Variants in TTC28 observed in about 807,000 individuals in gnomAD.
TTC28 encodes tetratricopeptide repeat domain 28.
A neutral mutation model predicts 198.0 loss-of-function variants in TTC28; 61 were observed. The ratio of observed to expected loss-of-function variants is 0.31; its 90% confidence interval spans 0.25 to 0.38. The LOEUF is 0.38. Among genes scored for constraint, TTC28 ranks in the 10% least tolerant of loss-of-function variants. The probability of loss-of-function intolerance (pLI) is 1.00; values close to 1 mark genes in which losing one functional copy is unlikely to be tolerated. For missense variants in TTC28, 2,678 were observed against 3,164.0 expected (o/e 0.85, Z 3.69); for synonymous variants, 1,171 against 1,297.8 (o/e 0.90, Z 2.10).
chr22:28,030,015 T>C (rs1939007864), intron 13 of TTC28, among the ~76,000 whole-genome samples: 1 of 152,260 alleles, frequency 6.6e-6, no homozygotes, highest in African/African-American at 2.4e-5. Flanking sequence ...ACATCAAGCC[T>C]GTCACTGTTT....
At chr22:28,429,697 A>T (rs1244035424) in intron 2 of TTC28, among the ~76,000 whole-genome samples, 1 of 152,176 alleles carries the variant, frequency 6.6e-6, no homozygotes, top group Non-Finnish European at 1.5e-5. Flanking sequence ...TCTCTGTCTT[A>T]ACCTACACAT....
At chr22:28,120,761 T>C (rs982078856) in intron 6 of TTC28, among the ~76,000 whole-genome samples, 2 of 152,196 alleles carry the variant, frequency 1.3e-5, no homozygotes, top group African/African-American at 2.4e-5. Flanking sequence ...GCAAATTCAA[T>C]TGCAAAGACA....
chr22:28,578,072 C>T (rs563088792), intron 2 of TTC28, among the ~76,000 whole-genome samples: 6 of 152,056 alleles, frequency 3.9e-5, no homozygotes, highest in South Asian at 2.1e-4. Flanking sequence ...CTTTAAGTGA[C>T]GGTGATTTCC....
In TTC28 at chr22:28,439,533, C is replaced by G. The variant is rs377526613; in HGVS notation, c.382-132890G>C. Among the ~76,000 whole-genome samples, 61 of 152,262 alleles carry G rather than the reference C, an allele frequency of 4.0e-4. 1 individual carries two copies. The East Asian group carries it at 0.01, about 26-fold the overall frequency. On this transcript the variant is annotated intron_variant, in intron 2 of 22. Transcript: ENST00000397906. ...CATTTTGAAGTAAATAAGGCCTGGTCCAATCCTAGCTGTGATCCTACCATG... is the reference window on the plus strand; with the variant it reads ...CATTTTGAAGTAAATAAGGCCTGGTGCAATCCTAGCTGTGATCCTACCATG...
chr22:28,109,756 A>G (rs1209192735), intron 6 of TTC28, among the ~76,000 whole-genome samples: 1 of 152,258 alleles, frequency 6.6e-6, no homozygotes, highest in Admixed American at 6.5e-5. Context: ...GAGAGAAGCT[A>G]GTATGCAAAC....
intron 13 of TTC28, among the ~76,000 whole-genome samples, chr22:28,018,970 C>A (rs1938489894): frequency 6.6e-6 from 1 of 152,234 alleles, no homozygotes; most frequent in African/African-American, 2.4e-5. Flanking sequence ...CATGCAGTTT[C>A]TGTTCTCACT....
chr22:28,002,476 G>T (rs1013427889), intron 14 of TTC28: 2 of 152,258 alleles, frequency 1.3e-5, no homozygotes, highest in Non-Finnish European at 2.9e-5. Flanking sequence ...TGTGCCTGGG[G>T]AAGCAAATGT....
Position 28,433,589 on chromosome 22 carries a change from G to T in TTC28, c.382-126946C>A, listed in dbSNP as rs1039684935. The stretch of plus-strand genomic sequence containing the variant: ...GGATTCTCTAAAATAAATAATATTT[G>T]TGTCACTAAAAATAACATTTTAATT... On this transcript the variant is annotated intron_variant, in intron 2 of 22. Coordinates refer to ENST00000397906, the MANE Select transcript of TTC28 (RefSeq NM_001145418.2). Among the ~76,000 whole-genome samples the T allele has an allele frequency of 2.6e-5, 4 of 152,256 alleles. 1 individual carries two copies. The South Asian group carries it at 8.3e-4, about 32-fold the overall frequency.
chr22:28,407,274 G>C (rs1435295610), intron 2 of TTC28, among the ~76,000 whole-genome samples: 2 of 152,128 alleles, frequency 1.3e-5, no homozygotes, highest in African/African-American at 4.8e-5. Context: ...TAATTCTGGA[G>C]AAAGCAGGAG....
chr22:28,167,448 C>G (rs1922128494), intron 5 of TTC28, among the ~76,000 whole-genome samples: 1 of 152,208 alleles, frequency 6.6e-6, no homozygotes, highest in South Asian at 2.1e-4. Context: ...CCGAATCCAG[C>G]AGCATATCAA....
intron 2 of TTC28, among the ~76,000 whole-genome samples, chr22:28,522,186 T>C (rs1161269143): frequency 6.6e-6 from 1 of 152,182 alleles, no homozygotes; most frequent in Non-Finnish European, 1.5e-5. Context: ...CCATGATTAA[T>C]ACGTTTAAGA....
At chr22:28,309,821 T>G (rs2045219968) in intron 2 of TTC28, among the ~76,000 whole-genome samples, 1 of 152,144 alleles carries the variant, frequency 6.6e-6, no homozygotes, top group Non-Finnish European at 1.5e-5. Context: ...AAGGGCAACA[T>G]GGACTAACTG....
Position 28,096,314 on chromosome 22 carries a change from G to C in TTC28, c.3642C>G (p.Ser1214=), listed in dbSNP as rs1009710301. The part of the protein sequence containing the change: ...LVERQTGQQD[S]DPYSPVTIDQ... ...CAATAGTGACTGGGGAGTAGGGGTC[G>C]GAGTCTTGTTGTCCTGTTTGTCGTT... The change falls in exon 11 of 23, where the codon TCC becomes TCG. Residue 1214 remains serine, a synonymous_variant. Transcript: ENST00000397906. 34 of 1,551,826 alleles carry C rather than the reference G, an allele frequency of 2.2e-5. No homozygotes were observed. Among genetic ancestry groups the C allele is most frequent in the Non-Finnish European group, 3.0e-5 (34 of 1,147,046 alleles).
intron 2 of TTC28, among the ~76,000 whole-genome samples, chr22:28,608,041 C>T (rs1307682621): frequency 6.6e-6 from 1 of 152,182 alleles, no homozygotes; most frequent in East Asian, 1.9e-4. Flanking sequence ...ACTAACAGAA[C>T]TTGTCAAAAT....
chr22:28,526,905 T>G (rs946244463), intron 2 of TTC28, among the ~76,000 whole-genome samples: 5 of 152,014 alleles, frequency 3.3e-5, no homozygotes, highest in African/African-American at 1.2e-4. Context: ...TACAAGCACT[T>G]GCCACCATGC....
chr22:28,578,232 A>AAT (rs2050180769), intron 2 of TTC28, among the ~76,000 whole-genome samples: 1 of 152,124 alleles, frequency 6.6e-6, no homozygotes, highest in Non-Finnish European at 1.5e-5. Flanking sequence ...ACAAATAAAT[A>AAT]AGCAAAGAGA....
chr22:28,042,473 CG>C (rs1939684775), intron 12 of TTC28, among the ~76,000 whole-genome samples: 2 of 152,078 alleles, frequency 1.3e-5, no homozygotes, highest in Admixed American at 1.3e-4. Flanking sequence ...AGCAAACTAT[CG>C]CAAGGACAAA....
intron 2 of TTC28, among the ~76,000 whole-genome samples, chr22:28,444,920 T>A (rs2047680560): frequency 6.6e-6 from 1 of 152,218 alleles, no homozygotes; most frequent in South Asian, 2.1e-4. Context: ...ACTCCAATAC[T>A]CTGTATATAT....
chr22:27,991,726 C>G (rs944415854), intron 19 of TTC28, among the ~76,000 whole-genome samples: 6 of 152,350 alleles, frequency 3.9e-5, no homozygotes, highest in African/African-American at 1.2e-4. Context: ...AGCTGTCCCC[C>G]CAGGGGCTTG....
Sources: allele counts gnomAD v4.1 joint callset (sites outside exome capture counted in the v4.1 genomes callset), GRCh38; gene constraint gnomAD v4.1.1; transcripts MANE v1.5; gene names NCBI Gene and HGNC (gene_info 2026-07-23, HGNC 2026-07-21).